The following LILRB4 variants were observed in gnomAD, a reference collection of about 807,000 sequenced individuals.
The protein encoded by LILRB4 is leukocyte immunoglobulin like receptor B4, also known as leukocyte immunoglobulin-like receptor subfamily B member 4.
Under a neutral mutation model 55.2 loss-of-function variants are expected in LILRB4, and 49 were observed. That is an observed-to-expected ratio of 0.89 (90% confidence interval 0.71 to 1.13). The LOEUF (loss-of-function observed/expected upper bound fraction) is 1.13. LILRB4 is among the 50% of genes most tolerant of loss of function. LILRB4 has a pLI of 0.00. For missense variants in LILRB4, 590 were observed against 555.2 expected, an observed-to-expected ratio of 1.06 and a Z score of -0.63; for synonymous variants, 229 against 213.8, an observed-to-expected ratio of 1.07 and a Z score of -0.62.
Position 54,665,840 on chromosome 19 carries a change from G to T in LILRB4, c.783G>T (p.Leu261=), listed in dbSNP as rs200684921. The change falls in exon 7 of 12, where the codon CTG becomes CTT. Residue 261 remains leucine (L), a synonymous_variant. Transcript: ENST00000430952. This position sits in a 1 kb window ranked among gnomAD's most constrained non-coding sequence, Gnocchi z 5.5. Reference sequence around the variant, plus strand: ...GTCTGAGAAGGCACTGGGAGGTACTGATCGGGGTCTTGGTGGTCTCCATCC... The same window carrying T: ...GTCTGAGAAGGCACTGGGAGGTACTTATCGGGGTCTTGGTGGTCTCCATCC... 1 of 1,612,134 alleles carries T rather than the reference G, an allele frequency of 6.2e-7. No individual in the cohort carries two copies. The highest frequency in any genetic ancestry group is 8.5e-7 in the Non-Finnish European group (1 of 1,179,158).
exon 1 of LILRB4, chr19:54,662,997 T>A (rs926329880): frequency 6.2e-7 from 1 of 1,613,868 alleles, no homozygotes; most frequent in African/African-American, 1.3e-5. Flanking sequence ...TGAGGACTCA[T>A]CCATCTGCAC....
In LILRB4 at chr19:54,665,568, C is replaced by G. The variant is rs1218033046; in HGVS notation, c.758-247C>G. On this transcript the variant is annotated intron_variant, in intron 6 of 11. Transcript: ENST00000430952. This position sits in a 1 kb window ranked among gnomAD's most constrained non-coding sequence, Gnocchi z 5.5. ...GCAGGAACAAGGGCTGCAGCTCAGA[C>G]TCCCGGGTTTCCTTCCCAGCTCTGC... is the stretch of plus-strand genomic sequence containing the variant. Among the ~76,000 whole-genome samples, 3 of 152,132 alleles carry G rather than the reference C, an allele frequency of 2.0e-5. No individual in the cohort carries two copies. Among genetic ancestry groups the G allele is most frequent in the African/African-American group, 7.2e-5 (3 of 41,424 alleles).
chr19:54,666,030 C>T lies in LILRB4; in HGVS notation c.874+99C>T. ...AGGAGAGGTCATCTTAGAAACTCTG[C>T]TCCAGAAATTCCCAGTGAGAAAATC... On this transcript the variant is annotated intron_variant, in intron 7 of 11. Transcript: ENST00000430952. The surrounding 1 kb of genome is among the most constrained non-coding windows in gnomAD (Gnocchi z 4.8). 6.8e-7 allele frequency: 1 copy of T among 1,476,678 alleles called. No individual in the cohort carries two copies. Among genetic ancestry groups the T allele is most frequent in the Non-Finnish European group, 9.2e-7 (1 of 1,082,094 alleles). The allele number at this position is 1,476,678 out of a possible 1,614,324, so 91.5% of individuals were successfully genotyped here.
Position 54,663,857 on chromosome 19 carries a change from C to A in LILRB4, c.174C>A (p.Tyr58Ter). Residue 58 changes from tyrosine (Y) to a stop codon, truncating the protein, a stop_gained, in exon 3 of 12, where the codon TAC becomes TAA. Transcript: ENST00000430952. LOFTEE classifies it high-confidence loss of function. The stretch of plus-strand genomic sequence containing the variant: ...AGGGGACCCTGGAGGCTCGGGAGTA[C>A]CGTCTGGATAAAGAGGAAAGCCCAG... The A allele has an allele frequency of 6.2e-7, 1 of 1,614,142 alleles. No homozygotes were observed.
In LILRB4 at chr19:54,666,250, G is replaced by C; in HGVS notation, c.885G>C (p.Gln295His). The change falls in exon 8 of 12, where the codon CAG (glutamine) becomes CAC (histidine). Residue 295 changes from glutamine (Q) to histidine (H), a missense_variant. Coordinates refer to ENST00000430952, the Ensembl canonical transcript of LILRB4. This position sits in a 1 kb window ranked among gnomAD's most constrained non-coding sequence, Gnocchi z 4.8. ...TCCATCTTCCCCCAGCCCAGAGACA[G>C]GCTGATTTCCAACGTCCTCCAGGGG... 6.2e-7 allele frequency: 1 copy of C among 1,603,630 alleles called. No individual in the cohort carries two copies. Among genetic ancestry groups the C allele is most frequent in the Non-Finnish European group, 8.5e-7 (1 of 1,174,650 alleles).
rs1925241 is a variant in LILRB4 at position 54,665,084 on chromosome 19, T to C, written c.707-46T>C. ...GTTGCGGGGAGAAGCCGAGCTGATG[T>C]GGGGAGCAGGGCAGCCCCAGCCCTC... On this transcript the variant is annotated intron_variant, in intron 5 of 11. Transcript: ENST00000430952. This position sits in a 1 kb window ranked among gnomAD's most constrained non-coding sequence, Gnocchi z 5.5. 951,297 of 1,604,630 alleles carry C rather than the reference T, an allele frequency of 0.59. 283,566 individuals are homozygous for C. Among genetic ancestry groups the C allele is most frequent in the Non-Finnish European group, 0.61 (714,447 of 1,173,628 alleles).
chr19:54,663,229 G>A (rs565033921), intron 1 of LILRB4, among the ~76,000 whole-genome samples, 162 bp downstream of exon 1: 96 of 151,994 alleles, frequency 6.3e-4, no homozygotes, highest in Non-Finnish European at 1.1e-3. Context: ...GGCGGATCAC[G>A]AGGTCAGGAG....
chr19:54,665,199 G>C lies in LILRB4; in HGVS notation c.757+19G>C, dbSNP rs750625326. On this transcript the variant is annotated intron_variant, in intron 6 of 11. Transcript: ENST00000430952. This position sits in a 1 kb window ranked among gnomAD's most constrained non-coding sequence, Gnocchi z 5.5. ...CACAGTGGTGAGTGAGGGGCTCTGA[G>C]TGGGAGGTGGGCAGGGTCTAGGGGA... The C allele has an allele frequency of 1.3e-6, 2 of 1,585,188 alleles. No individual in the cohort carries two copies. Among genetic ancestry groups the C allele is most frequent in the Non-Finnish European group, 1.7e-6 (2 of 1,164,092 alleles).
At position 54,663,683 on chromosome 19, in the gene LILRB4, G is replaced by C. The variant is rs928682592; in HGVS notation, c.71-71G>C. The C allele has an allele frequency of 3.1e-6, 5 of 1,608,302 alleles. No homozygotes were observed. The South Asian group carries it at 4.4e-5, about 14-fold the overall frequency. On this transcript the variant is annotated intron_variant, in intron 2 of 11. Transcript: ENST00000430952. The stretch of plus-strand genomic sequence containing the variant: ...GGTGACTGATGAGGATGACGGGGGG[G>C]TCCTGGGGCTGAGAGCTGGGATCTG...
intron 1 of LILRB4, 135 bp from the exon 2 acceptor site, chr19:54,663,397 G>C: frequency 1.5e-5 from 19 of 1,302,330 alleles, no homozygotes; most frequent in Non-Finnish European, 2.0e-5. Flanking sequence ...AGTGAGCCAA[G>C]ATCGCACCAC....
rs2065274283 is a variant in LILRB4 at position 54,666,569 on chromosome 19, G to A, written c.989-128G>A. The stretch of plus-strand genomic sequence containing the variant: ...GAAGTGGTCTGAACCCACATTGTGG[G>A]ACCTCGGGGACATCACAGCCCCTCC... On this transcript the variant is annotated intron_variant, in intron 9 of 11. Transcript: ENST00000430952. This position sits in a 1 kb window ranked among gnomAD's most constrained non-coding sequence, Gnocchi z 4.8. 7.1e-7 allele frequency: 1 copy of A among 1,416,264 alleles called. No homozygotes were observed. The highest frequency in any genetic ancestry group is 2.3e-5 in the East Asian group (1 of 43,872). The allele number at this position is 1,416,264 out of a possible 1,614,324, so 87.7% of individuals were successfully genotyped here.
rs1326698774 is a variant in LILRB4 at position 54,666,790 on chromosome 19, G to T, written c.1041+41G>T. 28 of 1,575,870 alleles carry T rather than the reference G, an allele frequency of 1.8e-5. No homozygotes were observed. The highest frequency in any genetic ancestry group is 2.4e-5 in the Non-Finnish European group (28 of 1,145,520). The stretch of plus-strand genomic sequence containing the variant: ...TGTCCCCGGCACCAAAGGCCTCCTG[G>T]TGCCAGATCTAATCCTGCAGGACTT... On this transcript the variant is annotated intron_variant, in intron 10 of 11. Transcript: ENST00000430952. The surrounding 1 kb of genome is among the most constrained non-coding windows in gnomAD (Gnocchi z 4.8).
Position 54,666,500 on chromosome 19 carries a change from A to T in LILRB4, c.988+64A>T. 1 of 1,573,236 alleles carries T rather than the reference A, an allele frequency of 6.4e-7. No homozygotes were observed. The highest frequency in any genetic ancestry group is 8.7e-7 in the Non-Finnish European group (1 of 1,146,372). ...TGGGGGTCCCAAAATTTCAATAGCA[A>T]TGGGGGCAGGAGCACAGGCTAGGAT... On this transcript the variant is annotated intron_variant, in intron 9 of 11. Coordinates refer to ENST00000430952, the Ensembl canonical transcript of LILRB4. The surrounding 1 kb of genome is among the most constrained non-coding windows in gnomAD (Gnocchi z 4.8).
In LILRB4 at chr19:54,663,523, C is replaced by A. The variant is rs779816017; in HGVS notation, c.35-9C>A. The A allele has an allele frequency of 1.2e-6, 2 of 1,612,684 alleles. No homozygotes were observed. The highest frequency in any genetic ancestry group is 2.2e-5 in the South Asian group (2 of 91,028). ...CGGGGCAAATCCCTCACAGGGAACT[C>A]TCTTCCAGGGCTGAGTCTGGGCCCC... On this transcript the variant is annotated splice_polypyrimidine_tract_variant and intron_variant, in intron 1 of 11. Coordinates refer to ENST00000430952, the Ensembl canonical transcript of LILRB4.
In LILRB4 at chr19:54,666,875, C is replaced by A. The variant is rs45561539; in HGVS notation, c.1041+126C>A. 2.1e-6 allele frequency: 2 copies of A among 973,022 alleles called. No homozygotes were observed. The highest frequency in any genetic ancestry group is 3.1e-4 in the Middle Eastern group (1 of 3,260). 60.3% of individuals were successfully genotyped at this position (973,022 alleles called of 1,614,324 possible). A position where few individuals can be genotyped will look rare whatever the true frequency, so the allele number is the denominator to read the frequency against. On this transcript the variant is annotated intron_variant, in intron 10 of 11. Transcript: ENST00000430952. This position sits in a 1 kb window ranked among gnomAD's most constrained non-coding sequence, Gnocchi z 4.8. ...ACGGTGGACCCCTCCTTGTCCAGCA[C>A]GCTGCCTCCTGCCTGCTGGGACCTC...
chr19:54,664,194 A>G, exon 4 of LILRB4: 1 of 1,613,012 alleles, frequency 6.2e-7, no homozygotes, highest in Non-Finnish European at 8.5e-7. Flanking sequence ...AGGAGCCTAC[A>G]GTAAACCCAC....
In LILRB4 at chr19:54,665,972, G is replaced by A; in HGVS notation, c.874+41G>A. On this transcript the variant is annotated intron_variant, in intron 7 of 11. Coordinates refer to ENST00000430952, the Ensembl canonical transcript of LILRB4. The surrounding 1 kb of genome is among the most constrained non-coding windows in gnomAD (Gnocchi z 5.5). ...GGGGACCCGTGGGCTGATGGAGGGT[G>A]GGCTCAGGGCACCAGCCAAAGGGAC... 3 of 1,612,842 alleles carry A rather than the reference G, an allele frequency of 1.9e-6. No individual in the cohort carries two copies. Among genetic ancestry groups the A allele is most frequent in the Non-Finnish European group, 2.5e-6 (3 of 1,179,240 alleles).
chr19:54,667,088 C>T (rs1193962082), intron 10 of LILRB4: 10 of 618,018 alleles, frequency 1.6e-5, no homozygotes, highest in Middle Eastern at 3.3e-4. Context: ...CCAGGGAGCT[C>T]ACTGTGGATG....
intron 1 of LILRB4, among the ~76,000 whole-genome samples, 176 bp from the exon 2 acceptor site, chr19:54,663,356 G>C (rs1254850583): frequency 6.8e-6 from 1 of 147,874 alleles, no homozygotes; most frequent in African/African-American, 2.5e-5. Flanking sequence ...TGAGGCAGGA[G>C]AATGGCGTGA....
Sources: allele counts gnomAD v4.1 joint callset (sites outside exome capture counted in the v4.1 genomes callset), GRCh38; gene constraint gnomAD v4.1.1; non-coding constraint Gnocchi (gnomAD v3.1); transcripts MANE v1.5; gene names NCBI Gene and HGNC (gene_info 2026-07-23, HGNC 2026-07-21).